Variants in RETREG1 observed in about 807,000 individuals in gnomAD.
The protein encoded by RETREG1 is reticulophagy regulator 1.
A neutral mutation model predicts 54.8 loss-of-function variants in RETREG1; 44 were observed. The ratio of observed to expected loss-of-function variants is 0.80; its 90% confidence interval spans 0.63 to 1.03. The LOEUF (loss-of-function observed/expected upper bound fraction) is 1.03. RETREG1 is among the 50% of genes least tolerant of loss of function. The probability of loss-of-function intolerance (pLI) is 0.00; values close to 1 mark genes in which losing one functional copy is unlikely to be tolerated. For synonymous variants in RETREG1, 217 were observed against 238.5 expected (o/e 0.91, Z 0.83); for missense variants, 554 against 605.1 (o/e 0.92, Z 0.89).
At chr5:16,558,962 T>C (rs906644141) in intron 3 of RETREG1, among the ~76,000 whole-genome samples, 7 of 152,244 alleles carry the variant, frequency 4.6e-5, no homozygotes, top group Admixed American at 3.3e-4. Context: ...GATGACTTTC[T>C]ACTTTTAAGA....
intron 3 of RETREG1, among the ~76,000 whole-genome samples, chr5:16,544,596 G>A (rs1393977336): frequency 6.6e-6 from 1 of 152,152 alleles, no homozygotes; most frequent in Non-Finnish European, 1.5e-5. Context: ...ATTTCTGTTT[G>A]TGGTACAAGG....
Position 16,477,663 on chromosome 5 carries a change from A to T in RETREG1, c.999T>A (p.Asp333Glu), listed in dbSNP as rs771586180. 8 of 1,612,890 alleles carry T rather than the reference A, an allele frequency of 5.0e-6. No individual in the cohort carries two copies. Among genetic ancestry groups the T allele is most frequent in the Admixed American group, 1.7e-5 (1 of 59,890 alleles). Residue 333 changes from aspartate to glutamate, a missense_variant and splice_region_variant, in exon 8 of 9, where the codon GAT (aspartate) becomes GAA (glutamate). Around this residue, in one of 4 missense-constraint regions of RETREG1, gnomAD observed 347 missense variants for 412.3 expected, o/e 0.84. Transcript: ENST00000306320. Reference sequence around the variant, plus strand: ...ATGTCTCCAGAAATATTAGCATACCATCAGAAGTGTCTGTCTGTGGAGTGT... The same window carrying T: ...ATGTCTCCAGAAATATTAGCATACCTTCAGAAGTGTCTGTCTGTGGAGTGT... ...EGYTPQTDTSDDLDRPSEEVF... is the reference protein window; with the variant it reads ...EGYTPQTDTSEDLDRPSEEVF...
intron 3 of RETREG1, among the ~76,000 whole-genome samples, chr5:16,508,291 A>G (rs1423020033): frequency 6.6e-6 from 1 of 152,220 alleles, no homozygotes; most frequent in East Asian, 1.9e-4. Flanking sequence ...ATTCAAGTAG[A>G]TTCTACATTA....
intron 3 of RETREG1, among the ~76,000 whole-genome samples, chr5:16,550,855 A>G (rs1250134908): frequency 6.6e-6 from 1 of 152,254 alleles, no homozygotes; most frequent in African/African-American, 2.4e-5. Context: ...ATGCTAATTC[A>G]TATGTTGCAT....
intron 3 of RETREG1, among the ~76,000 whole-genome samples, chr5:16,552,505 T>G (rs1741572481): frequency 6.6e-6 from 1 of 152,186 alleles, no homozygotes; most frequent in Non-Finnish European, 1.5e-5. Context: ...GAACTCAAAG[T>G]ACCATTTAGT....
intron 3 of RETREG1, among the ~76,000 whole-genome samples, chr5:16,526,599 G>A (rs973442210): frequency 6.6e-6 from 1 of 152,210 alleles, no homozygotes; most frequent in Non-Finnish European, 1.5e-5. Flanking sequence ...AGTGACAGAA[G>A]GAGATGAGTC....
intron 3 of RETREG1, among the ~76,000 whole-genome samples, chr5:16,525,772 G>GGAGA (rs1554019610): frequency 2.6e-5 from 4 of 151,286 alleles, no homozygotes; most frequent in East Asian, 2.0e-4. Flanking sequence ...ACACAGAGAG[G>GGAGA]GAGAGAGAGA....
In RETREG1 at chr5:16,474,689, G is replaced by GT; in HGVS notation, c.*51dup. 9.1e-7 allele frequency: 1 copy of GT among 1,096,482 alleles called. No homozygotes were observed. The highest frequency in any genetic ancestry group is 3.0e-5 in the East Asian group (1 of 33,512). 67.9% of individuals were successfully genotyped at this position (1,096,482 alleles called of 1,614,324 possible). ...TTTTCCTTTTTTTTTTTTTTTTCTT[G>GT]TTTGAAATTTTTTTGGTGTTTTTTG... On this transcript the variant is annotated 3_prime_UTR_variant, in exon 9 of 9. Transcript: ENST00000306320.
At chr5:16,602,523 A>G (rs1743079136) in intron 1 of RETREG1, among the ~76,000 whole-genome samples, 1 of 152,184 alleles carries the variant, frequency 6.6e-6, no homozygotes, top group Non-Finnish European at 1.5e-5. Context: ...ACAACGTTGA[A>G]CAAGAAAGGA....
At chr5:16,595,031 C>T (rs1742860648) in intron 1 of RETREG1, among the ~76,000 whole-genome samples, 1 of 152,160 alleles carries the variant, frequency 6.6e-6, no homozygotes, top group Non-Finnish European at 1.5e-5. Flanking sequence ...AATATCCTTC[C>T]TTCAGCTTAT....
chr5:16,525,334 G>C (rs887267427), intron 3 of RETREG1, among the ~76,000 whole-genome samples: 8 of 139,740 alleles, frequency 5.7e-5, no homozygotes, highest in Non-Finnish European at 7.9e-5. Context: ...GATGTGCGCG[G>C]GTAACACTGT....
rs764171344 is a variant in RETREG1, at chr5:16,477,674, C to T, written c.988G>A (p.Asp330Asn). The T allele has an allele frequency of 6.2e-7, 1 of 1,613,040 alleles. No homozygotes were observed. The highest frequency in any genetic ancestry group is 8.5e-7 in the Non-Finnish European group (1 of 1,179,262). ...NLSEGYTPQT[D>N]TSDDLDRPSE... The stretch of plus-strand genomic sequence containing the variant: ...AATATTAGCATACCATCAGAAGTGT[C>T]TGTCTGTGGAGTGTATCCTTCTGAA... Residue 330 changes from aspartate to asparagine, a missense_variant, in exon 8 of 9, where the codon GAC (aspartate) becomes AAC (asparagine). This residue lies in a region of RETREG1 where 347 missense variants were observed against 412.3 expected (regional missense o/e 0.84). Transcript: ENST00000306320.
chr5:16,501,104 A>G (rs1222320797), intron 3 of RETREG1, among the ~76,000 whole-genome samples: 1 of 152,230 alleles, frequency 6.6e-6, no homozygotes, highest in African/African-American at 2.4e-5. Flanking sequence ...TTATGTATAC[A>G]TTTATTATTG....
intron 1 of RETREG1, among the ~76,000 whole-genome samples, chr5:16,595,961 T>C (rs755178903): frequency 3.3e-5 from 5 of 152,160 alleles, no homozygotes; most frequent in Non-Finnish European, 7.3e-5. Context: ...CTAGGGAACA[T>C]TATTATTTTG....
At chr5:16,569,291 T>C (rs67736049) in intron 2 of RETREG1, among the ~76,000 whole-genome samples, 3,256 of 69,992 alleles carry the variant, frequency 0.047, 63 homozygotes, top group African/African-American at 0.073. Flanking sequence ...TTCTTTCTTT[T>C]TTTTTTTTTT....
In RETREG1 at chr5:16,593,254, C is replaced by T. The variant is rs1462905691; in HGVS notation, c.321-21152G>A. On this transcript the variant is annotated intron_variant, in intron 1 of 8. Transcript: ENST00000306320. This position sits in a 1 kb window ranked among gnomAD's most constrained non-coding sequence, Gnocchi z 4.9. ...AGTGATGTGTTTTCCTTTCAGAGCA[C>T]GCCTTCTGACTCCCACTTGTATGCT... 1.3e-5 allele frequency among the ~76,000 whole-genome samples: 2 copies of T among 152,086 alleles called. No homozygotes were observed. Among genetic ancestry groups the T allele is most frequent in the African/African-American group, 2.4e-5 (1 of 41,412 alleles).
chr5:16,600,736 T>C (rs1482031369), intron 1 of RETREG1, among the ~76,000 whole-genome samples: 1 of 152,212 alleles, frequency 6.6e-6, no homozygotes, highest in Non-Finnish European at 1.5e-5. Context: ...CCTTAGATAT[T>C]TCAGGAAAGC....
rs557170127 is a variant in RETREG1, at chr5:16,594,201, G to A, written c.321-22099C>T. On this transcript the variant is annotated intron_variant, in intron 1 of 8. Transcript: ENST00000306320. The surrounding 1 kb of genome is among the most constrained non-coding windows in gnomAD (Gnocchi z 4.4). ...AAACTTCTCAGTCATACAGTGCATC[G>A]ATGTACAAGGGTGCTGAACCTTTTG... Among the ~76,000 whole-genome samples, 27 of 152,304 alleles carry A rather than the reference G, an allele frequency of 1.8e-4. No individual in the cohort carries two copies. The highest frequency in any genetic ancestry group is 1.2e-3 in the South Asian group (6 of 4,816).
intron 3 of RETREG1, among the ~76,000 whole-genome samples, chr5:16,502,761 C>T (rs142956889): frequency 2.6e-5 from 4 of 152,292 alleles, no homozygotes; most frequent in African/African-American, 7.2e-5. Flanking sequence ...TTTAAAGAGA[C>T]GTTGTTTTTA....
Sources: allele counts gnomAD v4.1 joint callset (sites outside exome capture counted in the v4.1 genomes callset), GRCh38; gene constraint gnomAD v4.1.1; regional missense constraint gnomAD v4.1.1; non-coding constraint Gnocchi (gnomAD v3.1); transcripts MANE v1.5; gene names NCBI Gene and HGNC (gene_info 2026-07-23, HGNC 2026-07-21).